The following LRRC4C variants were observed in gnomAD, a reference collection of about 807,000 sequenced individuals.
LRRC4C encodes the protein leucine-rich repeat-containing protein 4C.
A neutral mutation model predicts 33.6 loss-of-function variants in LRRC4C; 5 were observed. That is an observed-to-expected ratio of 0.15 (90% CI 0.08 to 0.31). The LOEUF (loss-of-function observed/expected upper bound fraction) is 0.31. Among genes scored for constraint, LRRC4C ranks in the 10% least tolerant of loss-of-function variants. The pLI is 1.00. For synonymous variants in LRRC4C, 329 were observed against 302.0 expected (o/e 1.09, Z -0.93); for missense variants, 560 against 796.7 (o/e 0.70, Z 3.58).
intron 4 of LRRC4C, among the ~76,000 whole-genome samples, chr11:40,245,488 A>G (rs186755320): frequency 7.0e-4 from 107 of 152,280 alleles, no homozygotes; most frequent in Admixed American, 2.4e-3. Flanking sequence ...GTACTAGTCA[A>G]TGAGTAGGTG....
intron 1 of LRRC4C, among the ~76,000 whole-genome samples, chr11:41,457,572 A>C (rs966687088): frequency 2.0e-5 from 3 of 152,180 alleles, no homozygotes; most frequent in Non-Finnish European, 4.4e-5. Context: ...CCATAAAGAA[A>C]ATAAAATTTT....
intron 3 of LRRC4C, among the ~76,000 whole-genome samples, chr11:40,592,360 G>A (rs938268615): frequency 5.3e-5 from 8 of 152,154 alleles, no homozygotes; most frequent in Non-Finnish European, 1.2e-4. Flanking sequence ...AACACAAATT[G>A]TTGAGCCCCA....
At chr11:41,302,879 T>G (rs1219422522) in intron 1 of LRRC4C, among the ~76,000 whole-genome samples, 1 of 152,180 alleles carries the variant, frequency 6.6e-6, no homozygotes, top group East Asian at 1.9e-4. Context: ...TTCTCTTCAG[T>G]GCTGTGACCA....
At chr11:40,344,268 C>A (rs59031173) in intron 3 of LRRC4C, among the ~76,000 whole-genome samples, 1,785 of 152,184 alleles carry the variant, frequency 0.012, 32 homozygotes, top group African/African-American at 0.04. Flanking sequence ...CACTAGAAAA[C>A]CAAACCCAGC....
At chr11:40,864,897 CAGG>C (rs1954277680) in intron 2 of LRRC4C, among the ~76,000 whole-genome samples, 1 of 152,152 alleles carries the variant, frequency 6.6e-6, no homozygotes, top group South Asian at 2.1e-4. Flanking sequence ...GATAAGTGGA[CAGG>C]TGATATAAAA....
intron 1 of LRRC4C, among the ~76,000 whole-genome samples, chr11:41,127,057 C>A (rs1226086290): frequency 6.6e-6 from 1 of 152,108 alleles, no homozygotes; most frequent in Non-Finnish European, 1.5e-5. Context: ...TTTGAACTTT[C>A]AAATTAAAGC....
intron 1 of LRRC4C, among the ~76,000 whole-genome samples, chr11:41,372,760 G>A (rs1266703749): frequency 1.4e-5 from 2 of 142,490 alleles, no homozygotes; most frequent in African/African-American, 2.6e-5. Flanking sequence ...CAAGAGTTAG[G>A]TATGGTTTGT....
chr11:40,226,916 T>G (rs1428545069), intron 5 of LRRC4C, among the ~76,000 whole-genome samples: 2 of 152,232 alleles, frequency 1.3e-5, no homozygotes, highest in Non-Finnish European at 2.9e-5. Context: ...AGTTCTCTGA[T>G]TTTACAAAGA....
At chr11:40,131,959 G>A (rs992308791) in intron 6 of LRRC4C, among the ~76,000 whole-genome samples, 2 of 152,060 alleles carry the variant, frequency 1.3e-5, no homozygotes, top group African/African-American at 4.8e-5. Flanking sequence ...GGGTTCCTAA[G>A]AAGTTTATTA....
At chr11:40,560,576 C>T (rs1476171334) in intron 3 of LRRC4C, among the ~76,000 whole-genome samples, 1 of 151,890 alleles carries the variant, frequency 6.6e-6, no homozygotes, top group Admixed American at 6.6e-5. Context: ...GGGAAACTTA[C>T]TGATAACTAC....
chr11:41,074,967 G>A (rs569601658), intron 1 of LRRC4C, among the ~76,000 whole-genome samples: 1 of 149,164 alleles, frequency 6.7e-6, no homozygotes, highest in African/African-American at 2.5e-5. Context: ...TATGCTGAAT[G>A]CTTCAGTATT....
rs539704093 is a variant in LRRC4C, at chr11:40,727,693, TAAAC to T, written c.-406-79419_-406-79416del. On this transcript the variant is annotated intron_variant, in intron 2 of 6. Coordinates refer to ENST00000528697, the MANE Select transcript of LRRC4C (RefSeq NM_001258419.2). ...CGATATCCCGAACCTATAAGGCACT[TAAAC>T]AAAGCAACAAGAAAAAACATATAAC... Among the ~76,000 whole-genome samples the T allele has an allele frequency of 6.0e-4, 91 of 152,178 alleles. No individual in the cohort carries two copies. In the Middle Eastern group the frequency reaches 0.01, roughly 17 times the overall value.
intron 3 of LRRC4C, among the ~76,000 whole-genome samples, chr11:40,399,092 T>C (rs948227731): frequency 6.6e-6 from 1 of 152,078 alleles, no homozygotes; most frequent in African/African-American, 2.4e-5. Flanking sequence ...TTAGAGTGTG[T>C]TCAAAGAACA....
chr11:41,359,662 A>G (rs1484206685), intron 1 of LRRC4C, among the ~76,000 whole-genome samples: 3 of 152,190 alleles, frequency 2.0e-5, no homozygotes, highest in Non-Finnish European at 4.4e-5. Context: ...ATTGTACTTT[A>G]ACTGTTATGA....
chr11:40,472,758 A>G (rs1208420080), intron 3 of LRRC4C, among the ~76,000 whole-genome samples: 1 of 152,120 alleles, frequency 6.6e-6, no homozygotes, highest in Non-Finnish European at 1.5e-5. Context: ...GACACAATAA[A>G]AATGATAAAA....
intron 3 of LRRC4C, among the ~76,000 whole-genome samples, chr11:40,423,022 A>G (rs1486649763): frequency 6.6e-6 from 1 of 152,196 alleles, no homozygotes; most frequent in Non-Finnish European, 1.5e-5. Context: ...TTTTACTATT[A>G]CCTATGTCTA....
intron 2 of LRRC4C, among the ~76,000 whole-genome samples, chr11:40,743,615 T>C (rs982928535): frequency 2.6e-5 from 4 of 152,096 alleles, no homozygotes; most frequent in African/African-American, 9.7e-5. Flanking sequence ...GAAGTAGACA[T>C]TTTTGGAGGG....
At chr11:41,434,595 T>G (rs1204870486) in intron 1 of LRRC4C, among the ~76,000 whole-genome samples, 2 of 152,112 alleles carry the variant, frequency 1.3e-5, no homozygotes, top group Non-Finnish European at 2.9e-5. Flanking sequence ...AGTCTGCAAA[T>G]AGAAGAATTC....
chr11:40,825,928 C>A (rs1952143992), intron 2 of LRRC4C, among the ~76,000 whole-genome samples: 1 of 96,302 alleles, frequency 1.0e-5, no homozygotes, highest in Non-Finnish European at 2.1e-5. Context: ...GTATGCTTCA[C>A]ATATTGTATT....
Sources: gnomAD v4.1 joint callset for allele counts (sites outside exome capture counted in the v4.1 genomes callset) on GRCh38, gnomAD v4.1.1 for gene constraint, MANE v1.5 for transcripts, NCBI Gene and HGNC (gene_info 2026-07-23, HGNC 2026-07-21) for gene names.